RNF220: variants seen among roughly 807,000 people sequenced by gnomAD.
RNF220 encodes E3 ubiquitin-protein ligase RNF220.
Under a neutral mutation model 67.1 loss-of-function variants are expected in RNF220, and 7 were observed. That is an observed-to-expected ratio of 0.10 (90% confidence interval 0.06 to 0.20). RNF220 has a LOEUF of 0.20. RNF220 is among the 10% of genes least tolerant of loss of function. RNF220 has a pLI of 1.00. For missense variants in RNF220, 565 were observed against 740.3 expected (o/e 0.76, Z 2.75); for synonymous variants, 270 against 283.2 (o/e 0.95, Z 0.47).
chr1:44,619,056 A>T (rs1643678866), intron 3 of RNF220, among the ~76,000 whole-genome samples: 1 of 150,878 alleles, frequency 6.6e-6, no homozygotes, highest in Non-Finnish European at 1.5e-5. Flanking sequence ...AGGCAGGGAC[A>T]TAGATAGATG....
chr1:44,509,261 G>C (rs1367092050), intron 2 of RNF220, among the ~76,000 whole-genome samples: 1 of 152,130 alleles, frequency 6.6e-6, no homozygotes, highest in Non-Finnish European at 1.5e-5. Context: ...TAGAAAATAG[G>C]CATAGGCAGC....
chr1:44,474,630 G>A (rs1447409030), intron 2 of RNF220, among the ~76,000 whole-genome samples: 1 of 150,724 alleles, frequency 6.6e-6, no homozygotes, highest in Non-Finnish European at 1.5e-5. Context: ...TGTCACTTAA[G>A]CCCAGGAGTT....
At chr1:44,431,821 G>A (rs1650415788) in intron 2 of RNF220, among the ~76,000 whole-genome samples, 2 of 152,214 alleles carry the variant, frequency 1.3e-5, no homozygotes, top group Non-Finnish European at 2.9e-5. Context: ...AATATGATAT[G>A]TGCTCATTGA....
intron 2 of RNF220, among the ~76,000 whole-genome samples, chr1:44,546,500 T>C (rs1449349997): frequency 6.6e-6 from 1 of 152,138 alleles, no homozygotes; most frequent in Non-Finnish European, 1.5e-5. Context: ...CCCAGCCTGA[T>C]TGAATTTGGA....
intron 2 of RNF220, among the ~76,000 whole-genome samples, chr1:44,592,203 C>T (rs894755450): frequency 1.3e-5 from 2 of 152,254 alleles, no homozygotes; most frequent in African/African-American, 2.4e-5. Flanking sequence ...TCGTGGTATA[C>T]TTCCCCGAAT....
At chr1:44,453,391 T>C (rs1189353308) in intron 2 of RNF220, among the ~76,000 whole-genome samples, 1 of 152,146 alleles carries the variant, frequency 6.6e-6, no homozygotes, top group African/African-American at 2.4e-5. Flanking sequence ...CTGACTTCAA[T>C]AGGTATGGTG....
intron 2 of RNF220, among the ~76,000 whole-genome samples, chr1:44,544,501 G>A (rs1162724852): frequency 2.6e-5 from 4 of 152,190 alleles, no homozygotes; most frequent in African/African-American, 7.2e-5. Context: ...TCTGGCACAC[G>A]ATAAATCCTT....
intron 5 of RNF220, among the ~76,000 whole-genome samples, chr1:44,627,792 G>A (rs2148462710): frequency 6.6e-6 from 1 of 152,332 alleles, no homozygotes; most frequent in African/African-American, 2.4e-5. Context: ...AGAGAACCAG[G>A]GGCCCTGCTG....
At chr1:44,502,122 G>T (rs1443444422) in intron 2 of RNF220, among the ~76,000 whole-genome samples, 1 of 139,336 alleles carries the variant, frequency 7.2e-6, no homozygotes, top group Admixed American at 7.4e-5. Flanking sequence ...CCTGGCTGCA[G>T]TATGATCCTT....
intron 2 of RNF220, among the ~76,000 whole-genome samples, chr1:44,498,985 T>C (rs1657591834): frequency 6.6e-6 from 1 of 152,170 alleles, no homozygotes; most frequent in Non-Finnish European, 1.5e-5. Context: ...CCAGTAATTA[T>C]ACCCCTTCCT....
chr1:44,499,068 G>A (rs1572688017), intron 2 of RNF220, among the ~76,000 whole-genome samples: 1 of 152,008 alleles, frequency 6.6e-6, no homozygotes, highest in East Asian at 1.9e-4. Context: ...CAACTCCAAT[G>A]GGAAGGACTG....
chr1:44,628,075 A>G (rs1255533042), intron 5 of RNF220, among the ~76,000 whole-genome samples: 6 of 152,202 alleles, frequency 3.9e-5, no homozygotes, highest in African/African-American at 1.4e-4. Flanking sequence ...GATCCAGACA[A>G]CCCTGGTTCA....
At chr1:44,495,075 T>C (rs1033288380) in intron 2 of RNF220, among the ~76,000 whole-genome samples, 1 of 152,026 alleles carries the variant, frequency 6.6e-6, no homozygotes, top group Non-Finnish European at 1.5e-5. Flanking sequence ...TAGCTGGGTG[T>C]GGTGGCACAC....
chr1:44,596,231 A>T (rs932321616), intron 2 of RNF220, among the ~76,000 whole-genome samples: 8 of 152,182 alleles, frequency 5.3e-5, no homozygotes, highest in Non-Finnish European at 7.3e-5. Context: ...TTCTAAGTCA[A>T]AAGGGGAGAC....
intron 2 of RNF220, among the ~76,000 whole-genome samples, chr1:44,479,548 T>G (rs1655610944): frequency 6.6e-6 from 1 of 152,160 alleles, no homozygotes; most frequent in African/African-American, 2.4e-5. Flanking sequence ...ACCTTGCTCT[T>G]AAGTTTTCTA....
chr1:44,571,076 G>GA (rs200658424), intron 2 of RNF220, among the ~76,000 whole-genome samples: 44,296 of 143,550 alleles, frequency 0.31, 6,834 homozygotes, highest in African/African-American at 0.39. Context: ...TCCATCTGAA[G>GA]AAAAAAAAAA....
At chr1:44,504,292 G>A (rs1404442959) in intron 2 of RNF220, among the ~76,000 whole-genome samples, 1 of 152,178 alleles carries the variant, frequency 6.6e-6, no homozygotes, top group Admixed American at 6.5e-5. Flanking sequence ...GGGCTAATGG[G>A]GGCCAATCCA....
chr1:44,576,121 A>G (rs1664786882), intron 2 of RNF220, among the ~76,000 whole-genome samples: 1 of 152,238 alleles, frequency 6.6e-6, no homozygotes, highest in South Asian at 2.1e-4. Context: ...ACTACCATAG[A>G]TCACTTGGGT....
Position 44,405,309 on chromosome 1 carries a change from A to T in RNF220, c.-339A>T. On this transcript the variant is annotated 5_prime_UTR_variant, in exon 1 of 15. Coordinates refer to ENST00000361799, the MANE Select transcript of RNF220 (RefSeq NM_018150.4). ...CAGCACTGCTCCTTCTCTCACGCCA[A>T]CTGAGTCTCTTGATCTGTACATGCA... The T allele has an allele frequency of 2.2e-6, 1 of 461,530 alleles. No individual in the cohort carries two copies. The highest frequency in any genetic ancestry group is 5.4e-4 in the Middle Eastern group (1 of 1,840). The allele number at this position is 461,530 out of a possible 1,614,324, so 28.6% of individuals were successfully genotyped here. A position where few individuals can be genotyped will look rare whatever the true frequency, so the allele number is the denominator to read the frequency against.
Sources: allele counts gnomAD v4.1 joint callset (sites outside exome capture counted in the v4.1 genomes callset), GRCh38; gene constraint gnomAD v4.1.1; transcripts MANE v1.5; gene names NCBI Gene and HGNC (gene_info 2026-07-23, HGNC 2026-07-21).